PPP2R2B: variants seen among roughly 807,000 people sequenced by gnomAD.
PPP2R2B encodes the protein protein phosphatase 2 regulatory subunit Bbeta, also known as serine/threonine-protein phosphatase 2A 55 kDa regulatory subunit B beta isoform.
In PPP2R2B, 5 loss-of-function variants were observed where a neutral mutation model predicts 46.0. The observed-to-expected ratio is 0.11, with a 90% CI of 0.06 to 0.23. The LOEUF (loss-of-function observed/expected upper bound fraction) is 0.23, where lower values mean the gene tolerates loss of function less well. Ranked by LOEUF, PPP2R2B falls within the 10% of genes least tolerant of loss-of-function variation. PPP2R2B has a pLI of 1.00. For synonymous variants in PPP2R2B, 215 were observed against 206.7 expected, an observed-to-expected ratio of 1.04 and a Z score of -0.34; for missense variants, 367 against 575.0, an observed-to-expected ratio of 0.64 and a Z score of 3.70.
intron 1 of PPP2R2B, among the ~76,000 whole-genome samples, chr5:146,997,214 T>C (rs1436761347): frequency 1.3e-5 from 2 of 152,174 alleles, no homozygotes; most frequent in African/African-American, 4.8e-5. Flanking sequence ...TGGGGTTTCA[T>C]GGAGCAGCCA....
intron 2 of PPP2R2B, among the ~76,000 whole-genome samples, chr5:146,767,762 T>C (rs1281348123): frequency 1.3e-5 from 2 of 152,134 alleles, no homozygotes; most frequent in African/African-American, 4.8e-5. Flanking sequence ...GTCCATAGTT[T>C]ACATTAGGGT....
rs1491141938 is a variant in PPP2R2B at position 147,079,469 on chromosome 5, T to TATATATATATATATAC, written c.50+1589_50+1590insGTATATATATATATAT. Among the ~76,000 whole-genome samples the TATATATATATATATAC allele has an allele frequency of 2.3e-3, 316 of 138,946 alleles. 4 individuals carry two copies. The highest frequency in any genetic ancestry group is 6.9e-3 in the African/African-American group (258 of 37,466). The allele number at this position is 138,946 out of a possible 152,430, so 91.2% of individuals were successfully genotyped here. ...ACATATATATATATATATATATATA[T>TATATATATATATATAC]ACATGTGCAATGGAATATTACTCAG... On this transcript the variant is annotated intron_variant, in intron 2 of 10. Coordinates refer to the PPP2R2B transcript ENST00000394413.
chr5:146,874,262 C>T (rs2151415347), intron 2 of PPP2R2B, among the ~76,000 whole-genome samples: 1 of 152,314 alleles, frequency 6.6e-6, no homozygotes, highest in East Asian at 1.9e-4. Flanking sequence ...TGTATTGGAA[C>T]ATCCCGTATC....
chr5:147,069,517 A>G (rs1757511357), intron 2 of PPP2R2B, among the ~76,000 whole-genome samples: 1 of 152,016 alleles, frequency 6.6e-6, no homozygotes, highest in African/African-American at 2.4e-5. Context: ...CCACAACTTC[A>G]ACATAAACTC....
At chr5:147,072,702 C>A (rs1020785668) in intron 2 of PPP2R2B, among the ~76,000 whole-genome samples, 5 of 152,164 alleles carry the variant, frequency 3.3e-5, no homozygotes, top group African/African-American at 1.2e-4. Context: ...ATGGAATTAT[C>A]ATTATTATTA....
Position 146,589,221 on chromosome 5 carries a change from A to G in PPP2R2B, c.*726T>C, listed in dbSNP as rs972797904. On this transcript the variant is annotated 3_prime_UTR_variant, in exon 10 of 10. Coordinates refer to ENST00000394411, the MANE Select transcript of PPP2R2B (RefSeq NM_181675.4). ...AATTTGGCCCCGCCTGGCCCTGCCA[A>G]GCTCACTCTGGGAAGCACTGTGTCG... 2.6e-5 allele frequency: 4 copies of G among 152,290 alleles called. No individual in the cohort carries two copies. Among genetic ancestry groups the G allele is most frequent in the African/African-American group, 7.2e-5 (3 of 41,450 alleles). The allele number at this position is 152,290 out of a possible 1,614,324, so 9.4% of individuals were successfully genotyped here.
intron 1 of PPP2R2B, among the ~76,000 whole-genome samples, chr5:146,948,878 G>T (rs867672488): frequency 6.6e-6 from 1 of 152,052 alleles, no homozygotes; most frequent in Non-Finnish European, 1.5e-5. Flanking sequence ...TACCATGAGG[G>T]CATAGAGTAA....
intron 2 of PPP2R2B, among the ~76,000 whole-genome samples, chr5:147,079,434 T>TTATATATATACATATATATA: frequency 1.2e-5 from 1 of 80,984 alleles, no homozygotes; most frequent in African/African-American, 4.2e-5. Flanking sequence ...CACACACATT[T>TTATATATATACATATATATA]TATATATATA....
At chr5:146,686,118 C>T (rs1778485044) in intron 5 of PPP2R2B, among the ~76,000 whole-genome samples, 1 of 152,180 alleles carries the variant, frequency 6.6e-6, no homozygotes, top group African/African-American at 2.4e-5. Context: ...TTCTTGGCTA[C>T]TCTAAAACAC....
chr5:146,710,281 G>A (rs1780145334), intron 2 of PPP2R2B, among the ~76,000 whole-genome samples: 1 of 152,166 alleles, frequency 6.6e-6, no homozygotes, highest in South Asian at 2.1e-4. Flanking sequence ...CATGCTTGCT[G>A]AGCTGTGAAA....
chr5:147,003,862 A>T (rs180917962), intron 1 of PPP2R2B, among the ~76,000 whole-genome samples: 1 of 152,236 alleles, frequency 6.6e-6, no homozygotes, highest in Non-Finnish European at 1.5e-5. Context: ...GGAGGCCTTA[A>T]GAAAATATAC....
chr5:146,692,663 AGGTG>A (rs1778928982), intron 4 of PPP2R2B, among the ~76,000 whole-genome samples: 1 of 150,370 alleles, frequency 6.7e-6, no homozygotes. Flanking sequence ...CCTCCTGAGT[AGGTG>A]GGACTACAGG....
chr5:146,810,901 G>A (rs113774119), intron 2 of PPP2R2B, among the ~76,000 whole-genome samples: 24 of 125,316 alleles, frequency 1.9e-4, no homozygotes, highest in African/African-American at 7.2e-4. Context: ...AGGCCCCAGT[G>A]TGTGATGTTC....
chr5:146,952,930 G>A (rs1329564633), intron 1 of PPP2R2B, among the ~76,000 whole-genome samples: 4 of 152,098 alleles, frequency 2.6e-5, no homozygotes, highest in Admixed American at 2.6e-4. Context: ...TAAGTGAGAG[G>A]GGTAGGGGAC....
At chr5:146,809,972 C>T (rs1210234053) in intron 2 of PPP2R2B, among the ~76,000 whole-genome samples, 1 of 151,970 alleles carries the variant, frequency 6.6e-6, no homozygotes, top group African/African-American at 2.4e-5. Context: ...AAAGGACTTG[C>T]TAGCCAATCT....
chr5:147,077,358 G>A (rs958214780), intron 2 of PPP2R2B, among the ~76,000 whole-genome samples: 13 of 149,594 alleles, frequency 8.7e-5, no homozygotes, highest in Admixed American at 7.4e-4. Flanking sequence ...GTAACTATAC[G>A]ATTATCCCCA....
At chr5:146,619,756 G>C (rs990803410) in intron 7 of PPP2R2B, among the ~76,000 whole-genome samples, 1 of 152,124 alleles carries the variant, frequency 6.6e-6, no homozygotes, top group Non-Finnish European at 1.5e-5. Flanking sequence ...CTGGATCCAT[G>C]CTCCTTCCCT....
rs116627009 is a variant in PPP2R2B, at chr5:146,929,767, T to C, written c.79+125898A>G. On this transcript the variant is annotated intron_variant, in intron 1 of 8. Transcript: ENST00000336640. Reference sequence around the variant, plus strand: ...CGTGTGGGCTCTGGAGATAGACTACTAGGGTTTATATCTTGGCTTGCCATT... The same window carrying C: ...CGTGTGGGCTCTGGAGATAGACTACCAGGGTTTATATCTTGGCTTGCCATT... Among the ~76,000 whole-genome samples the C allele has an allele frequency of 6.5e-3, 987 of 152,268 alleles. 11 individuals are homozygous for C. The highest frequency in any genetic ancestry group is 0.023 in the African/African-American group (942 of 41,560).
chr5:147,068,170 C>T lies in PPP2R2B; in HGVS notation c.50+12889G>A, dbSNP rs549366284. On this transcript the variant is annotated intron_variant, in intron 2 of 10. Coordinates refer to the PPP2R2B transcript ENST00000394413. ...TTATCTGTTTTCATTAGTATCACAGCTAACATTTACTTAGCATTCACTCTG... is the reference window on the plus strand; with the variant it reads ...TTATCTGTTTTCATTAGTATCACAGTTAACATTTACTTAGCATTCACTCTG... Among the ~76,000 whole-genome samples the T allele has an allele frequency of 1.6e-4, 25 of 152,236 alleles. No homozygotes were observed. In the South Asian group the frequency reaches 4.8e-3, roughly 29 times the overall value.
Sources: allele counts gnomAD v4.1 joint callset (sites outside exome capture counted in the v4.1 genomes callset), GRCh38; gene constraint gnomAD v4.1.1; transcripts MANE v1.5; gene names NCBI Gene and HGNC (gene_info 2026-07-23, HGNC 2026-07-21).